Variants in ENOX1 observed in about 807,000 individuals in gnomAD.
ENOX1 encodes candidate growth-related and time keeping constitutive hydroquinone (NADH) oxidase.
In ENOX1, 42 loss-of-function variants were observed where a neutral mutation model predicts 82.5. The ratio of observed to expected loss-of-function variants is 0.51; its 90% CI spans 0.40 to 0.66. The LOEUF is 0.66. ENOX1 is among the 30% of genes least tolerant of loss of function. The pLI is 0.00. For missense variants in ENOX1, 608 were observed against 811.6 expected, an observed-to-expected ratio of 0.75 and a Z score of 3.05; for synonymous variants, 271 against 282.2, an observed-to-expected ratio of 0.96 and a Z score of 0.40.
intron 12 of ENOX1, among the ~76,000 whole-genome samples, chr13:43,296,044 T>C (rs7987264): frequency 0.95 from 145,066 of 152,190 alleles, 69,557 homozygotes; most frequent in East Asian, 1. Flanking sequence ...AGAGCTCCCA[T>C]AGGCACCATG....
At chr13:43,282,706 G>A (rs535923055) in intron 12 of ENOX1, among the ~76,000 whole-genome samples, 1 of 152,108 alleles carries the variant, frequency 6.6e-6, no homozygotes, top group South Asian at 2.1e-4. Context: ...TTACAGGCAT[G>A]AGCCACCACA....
chr13:43,335,898 T>A (rs1207327149), intron 9 of ENOX1, among the ~76,000 whole-genome samples: 1 of 152,204 alleles, frequency 6.6e-6, no homozygotes, highest in Non-Finnish European at 1.5e-5. Context: ...GAAGTTTTTA[T>A]ACATATTATT....
chr13:43,532,982 T>C (rs1432505998), intron 2 of ENOX1, among the ~76,000 whole-genome samples: 1 of 152,016 alleles, frequency 6.6e-6, no homozygotes, highest in Non-Finnish European at 1.5e-5. Context: ...CCCCAAATAA[T>C]TTTTACGAGT....
At chr13:43,375,368 G>A (rs985116179) in intron 5 of ENOX1, among the ~76,000 whole-genome samples, 2 of 152,110 alleles carry the variant, frequency 1.3e-5, no homozygotes, top group African/African-American at 4.8e-5. Context: ...GTTAGGGTCA[G>A]CCAGTTTTTA....
intron 1 of ENOX1, among the ~76,000 whole-genome samples, chr13:43,773,678 C>T (rs570767035): frequency 1.3e-5 from 2 of 152,330 alleles, no homozygotes; most frequent in South Asian, 2.1e-4. Flanking sequence ...ACTTCACCCT[C>T]ATTATGCCCT....
rs141296866 is a variant in ENOX1 at position 43,664,782 on chromosome 13, T to C, written c.-219+2697A>G. Among the ~76,000 whole-genome samples, 13 of 152,330 alleles carry C rather than the reference T, an allele frequency of 8.5e-5. No individual in the cohort carries two copies. The East Asian group carries it at 2.3e-3, about 27-fold the overall frequency. ...ATCTATATTTGGTATTTGGTGGAAC[T>C]CTGCCTGCATGCATCACACATGCCA... On this transcript the variant is annotated intron_variant, in intron 2 of 16. Coordinates refer to ENST00000690772, the MANE Select transcript of ENOX1 (RefSeq NM_001347969.2).
At chr13:43,417,409 T>C (rs547210281) in intron 3 of ENOX1, among the ~76,000 whole-genome samples, 3 of 152,340 alleles carry the variant, frequency 2.0e-5, no homozygotes, top group South Asian at 4.1e-4. Flanking sequence ...AAAATTTAAG[T>C]TGATTCGGTC....
intron 5 of ENOX1, among the ~76,000 whole-genome samples, chr13:43,372,011 T>A (rs550561765): frequency 1.3e-5 from 2 of 152,194 alleles, no homozygotes; most frequent in East Asian, 3.8e-4. Flanking sequence ...TCTTGGCATA[T>A]AGTATCCTCT....
intron 2 of ENOX1, among the ~76,000 whole-genome samples, chr13:43,576,708 T>C (rs997425553): frequency 6.6e-6 from 1 of 152,204 alleles, no homozygotes; most frequent in African/African-American, 2.4e-5. Flanking sequence ...ATCGTAATTG[T>C]AACAGTAGCA....
intron 2 of ENOX1, among the ~76,000 whole-genome samples, chr13:43,574,385 G>A (rs2080322836): frequency 6.6e-6 from 1 of 152,050 alleles, no homozygotes; most frequent in African/African-American, 2.4e-5. Context: ...AGTATTGTCA[G>A]CGAGTTCTAC....
intron 14 of ENOX1, among the ~76,000 whole-genome samples, chr13:43,248,668 T>A (rs2153467645): frequency 6.6e-6 from 1 of 152,240 alleles, no homozygotes; most frequent in South Asian, 2.1e-4. Context: ...TAGTTGACTT[T>A]CTTAGTAATA....
chr13:43,500,570 T>C (rs1474607991), intron 2 of ENOX1, among the ~76,000 whole-genome samples: 1 of 152,024 alleles, frequency 6.6e-6, no homozygotes, highest in African/African-American at 2.4e-5. Context: ...GTCCTCCTTA[T>C]AAGAAGTGTG....
intron 2 of ENOX1, among the ~76,000 whole-genome samples, chr13:43,549,377 CAAG>C (rs2079094771): frequency 6.6e-6 from 1 of 152,168 alleles, no homozygotes; most frequent in African/African-American, 2.4e-5. Context: ...CAAACTCAGA[CAAG>C]AATAGCAAAA....
At chr13:43,426,034 G>C (rs1052376239) in intron 3 of ENOX1, among the ~76,000 whole-genome samples, 1 of 152,186 alleles carries the variant, frequency 6.6e-6, no homozygotes, top group Non-Finnish European at 1.5e-5. Flanking sequence ...ATCTGATATG[G>C]AGTAAGTAAA....
chr13:43,387,692 GCA>G (rs953271067), intron 5 of ENOX1, among the ~76,000 whole-genome samples: 4 of 151,652 alleles, frequency 2.6e-5, no homozygotes, highest in East Asian at 3.9e-4. Context: ...ACATACACAT[GCA>G]CACACACACA....
chr13:43,321,077 G>T (rs1323907507), intron 11 of ENOX1: 1 of 456,256 alleles, frequency 2.2e-6, no homozygotes, highest in Non-Finnish European at 4.4e-6. Flanking sequence ...TAGTGGCATG[G>T]TGCCTACTTG....
At chr13:43,662,378 A>T (rs1285832968) in intron 2 of ENOX1, among the ~76,000 whole-genome samples, 1 of 152,204 alleles carries the variant, frequency 6.6e-6, no homozygotes, top group Admixed American at 6.5e-5. Flanking sequence ...AATGCAGAGC[A>T]TCTCCATGCA....
intron 5 of ENOX1, among the ~76,000 whole-genome samples, chr13:43,395,955 T>C (rs2053117942): frequency 6.6e-6 from 1 of 152,330 alleles, no homozygotes; most frequent in East Asian, 1.9e-4. Context: ...GATAGAGCCA[T>C]GATGAAAACA....
rs1379501362 is a variant in ENOX1, at chr13:43,326,532, T to C, written c.1037-7A>G. The C allele has an allele frequency of 1.2e-6, 2 of 1,612,534 alleles. No homozygotes were observed. Among genetic ancestry groups the C allele is most frequent in the Non-Finnish European group, 1.7e-6 (2 of 1,178,540 alleles). Reference sequence around the variant, plus strand: ...ACGGCCACAATCTGCTCAACTTTGGTGAACAAGGAAGTCAAACAAGACAAG... The same window carrying C: ...ACGGCCACAATCTGCTCAACTTTGGCGAACAAGGAAGTCAAACAAGACAAG... On this transcript the variant is annotated splice_polypyrimidine_tract_variant and splice_region_variant and intron_variant, in intron 9 of 16. Transcript: ENST00000690772.
Sources: gnomAD v4.1 joint callset for allele counts (sites outside exome capture counted in the v4.1 genomes callset) on GRCh38, gnomAD v4.1.1 for gene constraint, MANE v1.5 for transcripts, NCBI Gene and HGNC (gene_info 2026-07-23, HGNC 2026-07-21) for gene names.